Variants in CSMD3 observed in about 807,000 individuals in gnomAD.
The protein encoded by CSMD3 is CUB and Sushi multiple domains 3.
In CSMD3, 177 loss-of-function variants were observed where a neutral mutation model predicts 435.2. That is an observed-to-expected ratio of 0.41 (90% confidence interval 0.36 to 0.46). The LOEUF (loss-of-function observed/expected upper bound fraction) is 0.46. Ranked by LOEUF, CSMD3 falls within the 20% of genes least tolerant of loss-of-function variation. The pLI is 0.34. For missense variants in CSMD3, 4,265 were observed against 4,504.6 expected (o/e 0.95, Z 1.52); for synonymous variants, 1,656 against 1,520.5 (o/e 1.09, Z -2.07).
At chr8:113,076,651 T>C (rs184886078) in intron 5 of CSMD3, among the ~76,000 whole-genome samples, 2 of 152,240 alleles carry the variant, frequency 1.3e-5, no homozygotes, top group African/African-American at 4.8e-5. Flanking sequence ...ACATTTTTAA[T>C]ATAACCTTTT....
At chr8:112,945,588 A>ATGTGTGTGTGTGTGTG (rs10574750) in intron 9 of CSMD3, among the ~76,000 whole-genome samples, 1 of 140,586 alleles carries the variant, frequency 7.1e-6, no homozygotes, top group Non-Finnish European at 1.5e-5. Flanking sequence ...ATACAGAAAT[A>ATGTGTGTGTGTGTGTG]TGTGTGTGTG....
intron 38 of CSMD3, among the ~76,000 whole-genome samples, chr8:112,358,336 T>G (rs555111596): frequency 2.0e-5 from 3 of 152,198 alleles, no homozygotes; most frequent in Non-Finnish European, 4.4e-5. Context: ...CTTTGGACTG[T>G]GAACTACTGA....
chr8:113,086,184 G>A (rs1391053210), intron 5 of CSMD3, among the ~76,000 whole-genome samples: 1 of 151,422 alleles, frequency 6.6e-6, no homozygotes, highest in Non-Finnish European at 1.5e-5. Context: ...GGGAGGCGGA[G>A]CTTGAAGTGA....
chr8:113,205,596 T>C (rs117827290), intron 3 of CSMD3, among the ~76,000 whole-genome samples: 113 of 152,282 alleles, frequency 7.4e-4, no homozygotes, highest in Non-Finnish European at 1.3e-3. Flanking sequence ...TTGGGACATA[T>C]TCCCATCATT....
At chr8:112,740,906 A>G (rs1454466284) in intron 13 of CSMD3, among the ~76,000 whole-genome samples, 2 of 151,940 alleles carry the variant, frequency 1.3e-5, no homozygotes, top group African/African-American at 2.4e-5. Context: ...TATGGAGGGG[A>G]AAATCACAGA....
chr8:112,632,135 T>C (rs2074531508), intron 22 of CSMD3, among the ~76,000 whole-genome samples: 1 of 152,048 alleles, frequency 6.6e-6, no homozygotes, highest in South Asian at 2.1e-4. Context: ...ATTTTGAATT[T>C]TTAATACATT....
intron 5 of CSMD3, among the ~76,000 whole-genome samples, chr8:113,047,656 G>C (rs554456008): frequency 6.6e-6 from 1 of 152,248 alleles, no homozygotes; most frequent in Non-Finnish European, 1.5e-5. Context: ...ATCAAAATAA[G>C]TATCCTAGAA....
chr8:112,248,965 T>C (rs1285099299), intron 63 of CSMD3, among the ~76,000 whole-genome samples: 1 of 152,142 alleles, frequency 6.6e-6, no homozygotes, highest in Admixed American at 6.6e-5. Flanking sequence ...CAGAGTCCCC[T>C]GACTTGTGCT....
chr8:113,360,784 A>G (rs1230154155), intron 1 of CSMD3, among the ~76,000 whole-genome samples: 2 of 151,864 alleles, frequency 1.3e-5, no homozygotes, highest in Non-Finnish European at 2.9e-5. Context: ...CTTGTTAGCC[A>G]GGATGGTCTC....
rs149937215 is a variant in CSMD3, at chr8:112,630,785, C to A, written c.3715+6032G>T. 6.7e-3 allele frequency among the ~76,000 whole-genome samples: 1,020 copies of A among 152,126 alleles called. 13 individuals carry two copies. Among genetic ancestry groups the A allele is most frequent in the African/African-American group, 0.023 (960 of 41,516 alleles). ...AGTGCAGAAAGAAAGGCTGATTTGG[C>A]TGAGGAGATAATGAGTTCTGTCTTA... On this transcript the variant is annotated intron_variant, in intron 22 of 70. Coordinates refer to ENST00000297405, the MANE Select transcript of CSMD3 (RefSeq NM_198123.2).
chr8:112,556,929 A>T lies in CSMD3; in HGVS notation c.4068T>A (p.Asp1356Glu). The change falls in exon 25 of 71, where the codon GAT becomes GAA. Residue 1356 changes from aspartate (D) to glutamate (E), a missense_variant. Around this residue, in one of 3 missense-constraint regions of CSMD3, gnomAD observed 3,255 missense variants for 3,380.2 expected, o/e 0.96. Transcript: ENST00000297405. ...TGTATCCAAATTGTGGAATGCCAGG[A>T]TCTTCACAGTGTGAGAGTTCAAAAC... ...YTSFELSHCEDPGIPQFGYKI... is the reference protein window; with the variant it reads ...YTSFELSHCEEPGIPQFGYKI... 1 of 1,612,030 alleles carries T rather than the reference A, an allele frequency of 6.2e-7. No individual in the cohort carries two copies. Among genetic ancestry groups the T allele is most frequent in the Middle Eastern group, 1.7e-4 (1 of 6,052 alleles).
chr8:112,570,895 T>A (rs1038831343), intron 24 of CSMD3, among the ~76,000 whole-genome samples: 5 of 152,192 alleles, frequency 3.3e-5, no homozygotes, highest in Non-Finnish European at 7.4e-5. Flanking sequence ...TATTTATAAA[T>A]GTATGTTTTC....
At chr8:112,244,097 G>A (rs754259778) in intron 65 of CSMD3, among the ~76,000 whole-genome samples, 4 of 152,006 alleles carry the variant, frequency 2.6e-5, no homozygotes, top group African/African-American at 7.2e-5. Flanking sequence ...ATGTTAAGCC[G>A]CCCAGCCTAT....
intron 3 of CSMD3, among the ~76,000 whole-genome samples, chr8:113,211,456 C>T (rs1333462300): frequency 1.3e-5 from 2 of 151,984 alleles, no homozygotes; most frequent in Non-Finnish European, 2.9e-5. Flanking sequence ...ATAAAGCACC[C>T]AACAAAATGG....
At chr8:113,147,617 G>T (rs1387064940) in intron 4 of CSMD3, among the ~76,000 whole-genome samples, 3 of 151,642 alleles carry the variant, frequency 2.0e-5, no homozygotes, top group Non-Finnish European at 4.4e-5. Flanking sequence ...CTACTGTTCT[G>T]TTCTCAGCTC....
chr8:113,057,106 C>T (rs2088375478), intron 5 of CSMD3, among the ~76,000 whole-genome samples: 1 of 152,170 alleles, frequency 6.6e-6, no homozygotes, highest in Admixed American at 6.5e-5. Flanking sequence ...CAGTTATCTA[C>T]TCAAAAGCTT....
At chr8:112,611,637 T>C (rs1332873730) in intron 22 of CSMD3, among the ~76,000 whole-genome samples, 1 of 152,138 alleles carries the variant, frequency 6.6e-6, no homozygotes, top group Admixed American at 6.6e-5. Flanking sequence ...GGCTGTGTCA[T>C]TCAAACTAGA....
At chr8:113,089,170 C>T (rs1340541116) in intron 5 of CSMD3, among the ~76,000 whole-genome samples, 1 of 152,100 alleles carries the variant, frequency 6.6e-6, no homozygotes, top group Non-Finnish European at 1.5e-5. Context: ...TCAACTTCCT[C>T]CACTCTCCTC....
intron 1 of CSMD3, chr8:113,376,601 T>G: frequency 1.1e-6 from 1 of 894,394 alleles, no homozygotes; most frequent in Non-Finnish European, 1.8e-6. Context: ...TCCAATTTTT[T>G]TTAATCCTCA....
Sources: allele counts gnomAD v4.1 joint callset (sites outside exome capture counted in the v4.1 genomes callset), GRCh38; gene constraint gnomAD v4.1.1; regional missense constraint gnomAD v4.1.1; transcripts MANE v1.5; gene names NCBI Gene and HGNC (gene_info 2026-07-23, HGNC 2026-07-21).